Variants in HTRA3 observed in about 807,000 individuals in gnomAD.
HTRA3 encodes HtrA serine peptidase 3.
HTRA3 carries 41 observed loss-of-function variants against 43.2 expected under a neutral mutation model. The ratio of observed to expected loss-of-function variants is 0.95; its 90% confidence interval spans 0.74 to 1.23. The LOEUF (loss-of-function observed/expected upper bound fraction) is 1.23. Among genes scored for constraint, HTRA3 ranks in the 50% most tolerant of loss-of-function variants. HTRA3 has a pLI of 0.00. For synonymous variants in HTRA3, 295 were observed against 287.9 expected, an observed-to-expected ratio of 1.02 and a Z score of -0.25; for missense variants, 628 against 647.1, an observed-to-expected ratio of 0.97 and a Z score of 0.32.
chr4:8,293,953 A>C, intron 5 of HTRA3, 134 bp from the exon 6 acceptor site: 1 of 611,800 alleles, frequency 1.6e-6, no homozygotes, highest in South Asian at 2.0e-5. Flanking sequence ...TGAGCTTTTC[A>C]GGGGAGTTGG....
Position 8,286,721 on chromosome 4 carries a change from G to A in HTRA3, c.646G>A (p.Glu216Lys). The A allele has an allele frequency of 3.1e-6, 5 of 1,614,180 alleles. No individual in the cohort carries two copies. The highest frequency in any genetic ancestry group is 2.5e-6 in the Non-Finnish European group (3 of 1,180,038). ...KVQLQNGDSY[E>K]ATIKDIDKKS... is the part of the protein sequence containing the mutation. The stretch of plus-strand genomic sequence containing the variant: ...GCAGCTACAGAATGGGGACTCCTAT[G>A]AGGCCACCATCAAAGACATCGACAA... The change falls in exon 3 of 9, where the codon GAG becomes AAG. Residue 216 changes from glutamate (E) to lysine (K), a missense_variant. Coordinates refer to ENST00000307358, the MANE Select transcript of HTRA3 (RefSeq NM_053044.5). This position sits in a 1 kb window ranked among gnomAD's most constrained non-coding sequence, Gnocchi z 4.9.
At chr4:8,299,327 T>C (rs1165156359) in intron 6 of HTRA3, among the ~76,000 whole-genome samples, 1 of 152,238 alleles carries the variant, frequency 6.6e-6, no homozygotes, top group Non-Finnish European at 1.5e-5. Context: ...TTTTTGGATG[T>C]TCACCATAAG....
intron 3 of HTRA3, among the ~76,000 whole-genome samples, chr4:8,289,973 A>G (rs9985636): frequency 0.05 from 6,709 of 134,742 alleles, 549 homozygotes; most frequent in African/African-American, 0.18. Flanking sequence ...TCACCTGTGC[A>G]CCCTCCTTGG....
At chr4:8,290,603 C>A (rs1713195115) in intron 3 of HTRA3, among the ~76,000 whole-genome samples, 1 of 152,228 alleles carries the variant, frequency 6.6e-6, no homozygotes, top group African/African-American at 2.4e-5. Flanking sequence ...CACAGAACCG[C>A]CTTCCCCAAT....
At position 8,286,854 on chromosome 4, in the gene HTRA3, A is replaced by C. The variant is rs7678398; in HGVS notation, c.708+71A>C. ...TGGTGGCCTCTTCCCAGACGCCGGA[A>C]CCCAGAGGCAAGCTAGCCCCACCTT... is the stretch of plus-strand genomic sequence containing the variant. On this transcript the variant is annotated intron_variant, in intron 3 of 8. Coordinates refer to ENST00000307358, the MANE Select transcript of HTRA3 (RefSeq NM_053044.5). This position sits in a 1 kb window ranked among gnomAD's most constrained non-coding sequence, Gnocchi z 4.9. 675,716 of 1,191,186 alleles carry C rather than the reference A, an allele frequency of 0.57. 195,757 individuals carry two copies. Among genetic ancestry groups the C allele is most frequent in the East Asian group, 0.83 (32,568 of 39,412 alleles). The allele number at this position is 1,191,186 out of a possible 1,614,324, so 73.8% of individuals were successfully genotyped here.
At chr4:8,290,462 G>A (rs959108491) in intron 3 of HTRA3, among the ~76,000 whole-genome samples, 7 of 152,210 alleles carry the variant, frequency 4.6e-5, no homozygotes, top group African/African-American at 7.2e-5. Flanking sequence ...AGACCTGGCC[G>A]ATCGCAGATC....
intron 2 of HTRA3, among the ~76,000 whole-genome samples, chr4:8,284,273 AT>A: frequency 6.6e-6 from 1 of 152,300 alleles, no homozygotes; most frequent in East Asian, 1.9e-4. Context: ...CATTGAGGAA[AT>A]TATAACTGGA....
intron 1 of HTRA3, among the ~76,000 whole-genome samples, chr4:8,280,197 G>A (rs898275496): frequency 6.6e-6 from 1 of 152,092 alleles, no homozygotes; most frequent in African/African-American, 2.4e-5. Flanking sequence ...GGTCCCACCT[G>A]GGGGCTGTGC....
chr4:8,292,385 G>C, intron 5 of HTRA3, 32 bp downstream of exon 5: 1 of 1,599,248 alleles, frequency 6.3e-7, no homozygotes, highest in Non-Finnish European at 8.6e-7. Context: ...AATCTCTCAG[G>C]TTTCTGGGGT....
rs2153005235 is a variant in HTRA3, at chr4:8,286,239, T to G, written c.486-322T>G. ...TGGACTTGGGATTAGCATCCTGGTC[T>G]GTCTGGCTCCGTGCTCCGTAGTCAG... On this transcript the variant is annotated intron_variant, in intron 2 of 8. Coordinates refer to ENST00000307358, the MANE Select transcript of HTRA3 (RefSeq NM_053044.5). This position sits in a 1 kb window ranked among gnomAD's most constrained non-coding sequence, Gnocchi z 4.9. 6.6e-6 allele frequency among the ~76,000 whole-genome samples: 1 copy of G among 152,326 alleles called. No homozygotes were observed. The highest frequency in any genetic ancestry group is 1.9e-4 in the East Asian group (1 of 5,182).
chr4:8,278,465 T>G (rs568690038), intron 1 of HTRA3, among the ~76,000 whole-genome samples: 77 of 150,268 alleles, frequency 5.1e-4, no homozygotes, highest in African/African-American at 1.8e-3. Context: ...GGCTCGAGGA[T>G]GGGGTGGGGG....
At chr4:8,280,153 C>G (rs945955586) in intron 1 of HTRA3, among the ~76,000 whole-genome samples, 7 of 152,224 alleles carry the variant, frequency 4.6e-5, no homozygotes, top group Middle Eastern at 3.4e-3. Context: ...GAGTTGGTGG[C>G]CCGACAAAGG....
At chr4:8,272,013 G>A (rs1712298048) in intron 1 of HTRA3, among the ~76,000 whole-genome samples, 1 of 152,204 alleles carries the variant, frequency 6.6e-6, no homozygotes, top group Admixed American at 6.5e-5. Flanking sequence ...TGTCACAGTG[G>A]CACATCAGTT....
In HTRA3 at chr4:8,292,714, C is replaced by T. The variant is rs1713298302; in HGVS notation, c.936+361C>T. 5.9e-5 allele frequency among the ~76,000 whole-genome samples: 9 copies of T among 152,312 alleles called. No individual in the cohort carries two copies. The South Asian group carries it at 1.7e-3, about 28-fold the overall frequency. Reference sequence around the variant, plus strand: ...AGGGGCACCCTCATTCTCCCCTTCCCAGTTGTGTCTTGAGCCTCAAAGTCA... The same window carrying T: ...AGGGGCACCCTCATTCTCCCCTTCCTAGTTGTGTCTTGAGCCTCAAAGTCA... On this transcript the variant is annotated intron_variant, in intron 5 of 8. Coordinates refer to ENST00000307358, the MANE Select transcript of HTRA3 (RefSeq NM_053044.5).
rs190276970 is a variant in HTRA3 at position 8,279,507 on chromosome 4, C to T, written c.386-2930C>T. 3.0e-4 allele frequency among the ~76,000 whole-genome samples: 46 copies of T among 152,244 alleles called. No homozygotes were observed. Among genetic ancestry groups the T allele is most frequent in the African/African-American group, 9.9e-4 (41 of 41,526 alleles). The stretch of plus-strand genomic sequence containing the variant: ...GAGCTCAGGGGCCCAGCAGCCCAGG[C>T]GCTTGAGGGGGTCCAGGGGCTGGGC... On this transcript the variant is annotated intron_variant, in intron 1 of 8. Coordinates refer to ENST00000307358, the MANE Select transcript of HTRA3 (RefSeq NM_053044.5). This position sits in a 1 kb window ranked among gnomAD's most constrained non-coding sequence, Gnocchi z 7.4.
Position 8,295,589 on chromosome 4 carries a change from G to A in HTRA3, c.1051+1388G>A. On this transcript the variant is annotated intron_variant, in intron 6 of 8. Transcript: ENST00000307358. The surrounding 1 kb of genome is among the most constrained non-coding windows in gnomAD (Gnocchi z 6.9). Reference sequence around the variant, plus strand: ...TCCCCACCTTCTCTTCAGCCCTAGTGAGCTTCTCCCTCCTGCCATTGTGTC... The same window carrying A: ...TCCCCACCTTCTCTTCAGCCCTAGTAAGCTTCTCCCTCCTGCCATTGTGTC... 1 of 777,758 alleles carries A rather than the reference G, an allele frequency of 1.3e-6. No homozygotes were observed. The allele number at this position is 777,758 out of a possible 1,614,324, so 48.2% of individuals were successfully genotyped here. A position where few individuals can be genotyped will look rare whatever the true frequency, so the allele number is the denominator to read the frequency against.
Position 8,291,369 on chromosome 4 carries a change from G to A in HTRA3, c.709-1G>A. 2 of 1,613,340 alleles carry A rather than the reference G, an allele frequency of 1.2e-6. No individual in the cohort carries two copies. Among genetic ancestry groups the A allele is most frequent in the Non-Finnish European group, 1.7e-6 (2 of 1,179,920 alleles). The stretch of plus-strand genomic sequence containing the variant: ...CTGTGTCTTCTCCTTCTCTCTCCTA[G>A]AAAAAGCTCCCTGTGTTGTTGCTGG... On this transcript the variant is annotated splice_acceptor_variant, in intron 3 of 8. Transcript: ENST00000307358. LOFTEE classifies it high-confidence loss of function.
In HTRA3 at chr4:8,306,313, G is replaced by A; in HGVS notation, c.*177G>A. On this transcript the variant is annotated 3_prime_UTR_variant, in exon 9 of 9. Transcript: ENST00000307358. The surrounding 1 kb of genome is among the most constrained non-coding windows in gnomAD (Gnocchi z 8.9). ...AGGGGCCCGAATTTCCGCCTGGGGA[G>A]TGTTGGATCCACATCCCGGTGCCGG... is the stretch of plus-strand genomic sequence containing the variant. 1.6e-6 allele frequency: 1 copy of A among 615,300 alleles called. No individual in the cohort carries two copies. Among genetic ancestry groups the A allele is most frequent in the South Asian group, 2.3e-5 (1 of 44,164 alleles). The allele number at this position is 615,300 out of a possible 1,614,324, so 38.1% of individuals were successfully genotyped here.
At chr4:8,287,327 C>T (rs1713031034) in intron 3 of HTRA3, among the ~76,000 whole-genome samples, 1 of 152,216 alleles carries the variant, frequency 6.6e-6, no homozygotes, top group Admixed American at 6.5e-5. Context: ...GACTGCACTC[C>T]TCTAATTCTC....
Sources: gnomAD v4.1 joint callset for allele counts (sites outside exome capture counted in the v4.1 genomes callset) on GRCh38, gnomAD v4.1.1 for gene constraint, Gnocchi (gnomAD v3.1) non-coding constraint, MANE v1.5 for transcripts, NCBI Gene and HGNC (gene_info 2026-07-23, HGNC 2026-07-21) for gene names.